The following ITPR1 variants were observed in gnomAD, a reference collection of about 807,000 sequenced individuals.
The protein encoded by ITPR1 is inositol 1,4,5-trisphosphate-gated calcium channel ITPR1.
In ITPR1, 96 loss-of-function variants were observed where a neutral mutation model predicts 318.4. The ratio of observed to expected loss-of-function variants is 0.30; its 90% CI spans 0.26 to 0.36. ITPR1 has a LOEUF of 0.36. Ranked by LOEUF, ITPR1 falls within the 10% of genes least tolerant of loss-of-function variation. The pLI is 1.00. For missense variants in ITPR1, 2,440 were observed against 3,460.2 expected (o/e 0.71, Z 7.40); for synonymous variants, 1,312 against 1,289.9 (o/e 1.02, Z -0.37).
At chr3:4,564,339 T>G (rs1177074195) in intron 4 of ITPR1, among the ~76,000 whole-genome samples, 1 of 152,234 alleles carries the variant, frequency 6.6e-6, no homozygotes, top group Non-Finnish European at 1.5e-5. Context: ...TTGGCTCTGC[T>G]GTATTTCTTC....
At chr3:4,653,383 G>A (rs1461026220) in intron 11 of ITPR1, among the ~76,000 whole-genome samples, 1 of 152,168 alleles carries the variant, frequency 6.6e-6, no homozygotes, top group Non-Finnish European at 1.5e-5. Context: ...TTGAGATAAA[G>A]CCATAGGGAA....
At chr3:4,506,689 C>T (rs1346722345) in intron 2 of ITPR1, among the ~76,000 whole-genome samples, 2 of 152,046 alleles carry the variant, frequency 1.3e-5, no homozygotes, top group East Asian at 1.9e-4. Flanking sequence ...TAAATATGTT[C>T]GATAAGAAGG....
intron 35 of ITPR1, among the ~76,000 whole-genome samples, chr3:4,700,678 C>G (rs1431029229): frequency 1.3e-5 from 2 of 152,150 alleles, no homozygotes; most frequent in Non-Finnish European, 2.9e-5. Flanking sequence ...TGTCCTTTTG[C>G]TCTTCCAGGA....
chr3:4,844,661 A>C (rs991768371), intron 61 of ITPR1, among the ~76,000 whole-genome samples: 8 of 152,192 alleles, frequency 5.3e-5, no homozygotes, highest in Non-Finnish European at 1.0e-4. Flanking sequence ...ATCTGTGGAT[A>C]CAGTGTAGTG....
chr3:4,704,501 A>G (rs1255278256), intron 36 of ITPR1, among the ~76,000 whole-genome samples: 3 of 152,196 alleles, frequency 2.0e-5, no homozygotes, highest in Non-Finnish European at 4.4e-5. Context: ...AGCATTAAGC[A>G]ATACACTTCT....
chr3:4,649,650 T>TA lies in ITPR1; in HGVS notation c.856-2473_856-2472insA, dbSNP rs529254197. 9.8e-5 allele frequency among the ~76,000 whole-genome samples: 15 copies of TA among 152,382 alleles called. No homozygotes were observed. In the South Asian group the frequency reaches 2.9e-3, roughly 29 times the overall value. ...ATCTGACTTCTTTCACCTAGGATGA[T>TA]GTCTGAGTCCAAATCAGGCTGCTGT... is the stretch of plus-strand genomic sequence containing the variant. On this transcript the variant is annotated intron_variant, in intron 10 of 61. Coordinates refer to ENST00000649015, the MANE Select transcript of ITPR1 (RefSeq NM_001378452.1).
Position 4,800,538 on chromosome 3 carries a change from A to G in ITPR1, c.7045A>G (p.Ile2349Val), listed in dbSNP as rs2048161342. 1 of 1,614,016 alleles carries G rather than the reference A, an allele frequency of 6.2e-7. No individual in the cohort carries two copies. The highest frequency in any genetic ancestry group is 1.3e-5 in the African/African-American group (1 of 75,038). ...HGIRALIAST[I>V]LRLIFSVGLQ... ...CATCCGGGCCTTAATTGCCTCCACA[A>G]TTCTACGACTGATATTTTCAGTCGG... The change falls in exon 54 of 62, where the codon ATT becomes GTT. Residue 2349 changes from isoleucine to valine, a missense_variant. By Grantham distance (29) the Ile-to-Val change is conservative. Around this residue, in one of 23 missense-constraint regions of ITPR1, gnomAD observed 126 missense variants for 150.8 expected, o/e 0.84. Transcript: ENST00000649015.
At chr3:4,748,002 T>C (rs2044229662) in intron 44 of ITPR1, among the ~76,000 whole-genome samples, 1 of 152,224 alleles carries the variant, frequency 6.6e-6, no homozygotes, top group Non-Finnish European at 1.5e-5. Flanking sequence ...AGAATATTCA[T>C]GTTTGGGCGA....
chr3:4,752,137 T>C (rs1435203670), intron 44 of ITPR1, among the ~76,000 whole-genome samples: 2 of 152,216 alleles, frequency 1.3e-5, no homozygotes, highest in African/African-American at 4.8e-5. Context: ...AATTCAGGAC[T>C]TTAAAAATAT....
chr3:4,795,939 T>C (rs1229924477), intron 53 of ITPR1, among the ~76,000 whole-genome samples: 1 of 152,014 alleles, frequency 6.6e-6, no homozygotes, highest in Non-Finnish European at 1.5e-5. Flanking sequence ...ACCTGGGAGG[T>C]CCACCTCCCG....
Position 4,670,349 on chromosome 3 carries a change from G to C in ITPR1, c.2007-380G>C, listed in dbSNP as rs73110412. 3.8e-3 allele frequency among the ~76,000 whole-genome samples: 573 copies of C among 152,312 alleles called. 4 individuals are homozygous for C. The highest frequency in any genetic ancestry group is 0.013 in the African/African-American group (551 of 41,558). On this transcript the variant is annotated intron_variant, in intron 19 of 61. Transcript: ENST00000649015. ...TCAGTTTTGGGCTTGGGCTAATGCA[G>C]GGTTTTTCAGTTTAGGTATTTTCAC... is the stretch of plus-strand genomic sequence containing the variant.
intron 4 of ITPR1, among the ~76,000 whole-genome samples, chr3:4,542,516 G>A (rs1396560292): frequency 2.6e-5 from 4 of 151,994 alleles, no homozygotes; most frequent in African/African-American, 4.8e-5. Flanking sequence ...TGTTAATTAG[G>A]GTGACAAACG....
chr3:4,513,157 G>C (rs547041030), intron 2 of ITPR1, among the ~76,000 whole-genome samples: 1 of 152,168 alleles, frequency 6.6e-6, no homozygotes, highest in African/African-American at 2.4e-5. Flanking sequence ...ACAACAGGAA[G>C]TCTTCCAGAA....
chr3:4,536,723 A>C (rs1376184293), intron 4 of ITPR1, among the ~76,000 whole-genome samples: 2 of 152,232 alleles, frequency 1.3e-5, no homozygotes, highest in African/African-American at 4.8e-5. Context: ...CGAAAAATGC[A>C]GTAAGAGAGC....
chr3:4,549,081 C>A (rs561360296), intron 4 of ITPR1, among the ~76,000 whole-genome samples: 1 of 152,108 alleles, frequency 6.6e-6, no homozygotes, highest in African/African-American at 2.4e-5. Flanking sequence ...GAACTTAAGC[C>A]CTCTCCATTT....
chr3:4,661,003 G>T lies in ITPR1; in HGVS notation c.1167G>T (p.Arg389=), dbSNP rs779491938. 1.3e-6 allele frequency: 2 copies of T among 1,591,504 alleles called. No homozygotes were observed. The highest frequency in any genetic ancestry group is 8.6e-7 in the Non-Finnish European group (1 of 1,163,726). ...TCCCTGTTAGGAACTCTTATGTTCG[G>T]CTCAGACACCTATGTACTAATACCT... ...DSLVPRNSYV[R]LRHLCTNTWV... is the part of the protein sequence containing the mutation. Residue 389 remains arginine (R), a synonymous_variant, in exon 14 of 62, where the codon CGG becomes CGT. Coordinates refer to ENST00000649015, the MANE Select transcript of ITPR1 (RefSeq NM_001378452.1).
At chr3:4,659,128 G>T (rs1411069031) in intron 13 of ITPR1, among the ~76,000 whole-genome samples, 1 of 152,108 alleles carries the variant, frequency 6.6e-6, no homozygotes, top group East Asian at 1.9e-4. Context: ...ATACCATGTT[G>T]GTTAATGGAA....
intron 60 of ITPR1, among the ~76,000 whole-genome samples, chr3:4,834,400 T>C (rs892933424): frequency 6.6e-6 from 1 of 152,184 alleles, no homozygotes; most frequent in East Asian, 1.9e-4. Flanking sequence ...TTCAATTTGT[T>C]TTCCTCAATT....
chr3:4,778,757 G>C (rs2046635178), intron 48 of ITPR1, among the ~76,000 whole-genome samples: 1 of 152,094 alleles, frequency 6.6e-6, no homozygotes, highest in Non-Finnish European at 1.5e-5. Flanking sequence ...AGAAATTTGT[G>C]CCCTGCGATA....
Sources: allele counts gnomAD v4.1 joint callset (sites outside exome capture counted in the v4.1 genomes callset), GRCh38; gene constraint gnomAD v4.1.1; regional missense constraint gnomAD v4.1.1; transcripts MANE v1.5; gene names NCBI Gene and HGNC (gene_info 2026-07-23, HGNC 2026-07-21).